NDUFA10: variants seen among roughly 807,000 people sequenced by gnomAD.
The protein encoded by NDUFA10 is NADH dehydrogenase [ubiquinone] 1 alpha subcomplex subunit 10, mitochondrial.
In NDUFA10, 40 loss-of-function variants were observed where a neutral mutation model predicts 47.8. That is an observed-to-expected ratio of 0.84 (90% CI 0.65 to 1.09). The LOEUF (loss-of-function observed/expected upper bound fraction) is 1.09. NDUFA10 is among the 50% of genes least tolerant of loss of function. NDUFA10 has a pLI of 0.00. For missense variants in NDUFA10, 413 were observed against 451.1 expected, an observed-to-expected ratio of 0.92 and a Z score of 0.76; for synonymous variants, 183 against 172.2, an observed-to-expected ratio of 1.06 and a Z score of -0.49.
chr2:239,994,025 G>A (rs1469398271), intron 8 of NDUFA10, among the ~76,000 whole-genome samples: 6 of 152,102 alleles, frequency 3.9e-5, no homozygotes, highest in Admixed American at 3.9e-4. Flanking sequence ...TCGAGCTCTC[G>A]AGTCATGGTC....
chr2:240,022,050 C>G (rs1454129301), intron 2 of NDUFA10, 122 bp downstream of exon 2: 1 of 772,622 alleles, frequency 1.3e-6, no homozygotes, highest in Non-Finnish European at 1.7e-6. Flanking sequence ...GTGAAATACC[C>G]ACCTTAGGCC....
Position 239,961,138 on chromosome 2 carries a change from T to G in NDUFA10, c.1048A>C (p.Lys350Gln), listed in dbSNP as rs374285003. 19 of 1,614,230 alleles carry G rather than the reference T, an allele frequency of 1.2e-5. No homozygotes were observed. The highest frequency in any genetic ancestry group is 1.5e-5 in the Non-Finnish European group (18 of 1,180,050). ...CCCGTTCACTTCAGCCAGATCCACT[T>G]GTCTCCCACCTCGGTGTTGTACCCA... ...SPGYNTEVGDKWIWLK is the reference protein window; with the variant it reads ...SPGYNTEVGDQWIWLK Residue 350 changes from lysine to glutamine, a missense_variant, in exon 10 of 10, where the codon AAG (lysine) becomes CAG (glutamine). Coordinates refer to ENST00000252711, the MANE Select transcript of NDUFA10 (RefSeq NM_004544.4).
rs1265689379 is a variant in NDUFA10, at chr2:239,966,444, GC to G, written c.1000-5259del. Among the ~76,000 whole-genome samples the G allele has an allele frequency of 6.6e-5, 10 of 152,270 alleles. No homozygotes were observed. The East Asian group carries it at 1.5e-3, about 24-fold the overall frequency. ...GCAGCCCAGCCTGCTTGGGGATGTG[GC>G]CCAGCCTGTTTGGGAATGTGGATCT... On this transcript the variant is annotated intron_variant, in intron 9 of 9. Coordinates refer to ENST00000252711, the MANE Select transcript of NDUFA10 (RefSeq NM_004544.4).
intron 4 of NDUFA10, among the ~76,000 whole-genome samples, chr2:239,917,047 C>T (rs534394260): frequency 1.1e-4 from 16 of 152,310 alleles, no homozygotes; most frequent in South Asian, 4.1e-4. Flanking sequence ...CTGTCACAGT[C>T]GCCGGCCAGA....
At chr2:239,913,017 T>C (rs1269793891) in intron 4 of NDUFA10, among the ~76,000 whole-genome samples, 1 of 152,192 alleles carries the variant, frequency 6.6e-6, no homozygotes, top group East Asian at 1.9e-4. Context: ...GCAGGTGACC[T>C]GCCCAAAGCT....
chr2:239,964,509 AGAC>A (rs1694984178), intron 9 of NDUFA10, among the ~76,000 whole-genome samples: 1 of 152,216 alleles, frequency 6.6e-6, no homozygotes, highest in East Asian at 1.9e-4. Context: ...CAGCAGCAGC[AGAC>A]GACTCCTGCC....
Position 239,960,980 on chromosome 2 carries a change from T to C in NDUFA10, c.*138A>G, listed in dbSNP as rs1030153362. The C allele has an allele frequency of 6.5e-6, 10 of 1,541,652 alleles. No homozygotes were observed. In the African/African-American group the frequency reaches 1.4e-4, roughly 21 times the overall value. On this transcript the variant is annotated 3_prime_UTR_variant, in exon 10 of 10. Transcript: ENST00000252711. ...CTATACTACAGGATGGATTGCTTTT[T>C]GTGAGACCCCTTCTTCCACTGTGCA...
Position 239,987,215 on chromosome 2 carries a change from G to A in NDUFA10, c.999+2859C>T, listed in dbSNP as rs544566678. Among the ~76,000 whole-genome samples, 210 of 152,268 alleles carry A rather than the reference G, an allele frequency of 1.4e-3. No individual in the cohort carries two copies. The highest frequency in any genetic ancestry group is 4.8e-3 in the African/African-American group (200 of 41,542). ...CCTGTGGACTGGACAGCAGTAACGCGTGATGCTCATTTCCTGACTCTGACA... is the reference window on the plus strand; with the variant it reads ...CCTGTGGACTGGACAGCAGTAACGCATGATGCTCATTTCCTGACTCTGACA... On this transcript the variant is annotated intron_variant, in intron 9 of 9. Transcript: ENST00000252711. This position sits in a 1 kb window ranked among gnomAD's most constrained non-coding sequence, Gnocchi z 4.8.
downstream of NDUFA10, among the ~76,000 whole-genome samples, chr2:239,953,926 G>T (rs1694605116): frequency 6.6e-6 from 1 of 152,042 alleles, no homozygotes; most frequent in Non-Finnish European, 1.5e-5. Context: ...TGACAGTGGG[G>T]AGTGGGTTCC....
At chr2:239,968,888 G>A (rs1042555562) in intron 9 of NDUFA10, among the ~76,000 whole-genome samples, 6 of 152,200 alleles carry the variant, frequency 3.9e-5, no homozygotes, top group Non-Finnish European at 8.8e-5. Flanking sequence ...GCATTCAACA[G>A]GGACCCCATG....
intron 4 of NDUFA10, among the ~76,000 whole-genome samples, chr2:239,947,112 AG>A: frequency 6.6e-6 from 1 of 152,324 alleles, no homozygotes; most frequent in Non-Finnish European, 1.5e-5. Context: ...GCTGGGATCC[AG>A]GCTGCAGTGC....
chr2:239,970,599 G>T (rs1042101695), intron 9 of NDUFA10, among the ~76,000 whole-genome samples: 1 of 152,248 alleles, frequency 6.6e-6, no homozygotes, highest in Non-Finnish European at 1.5e-5. Context: ...GAAAGTATAT[G>T]AGAATAACAG....
chr2:239,959,548 A>C lies in NDUFA10; in HGVS notation c.*1570T>G. 4 of 985,520 alleles carry C rather than the reference A, an allele frequency of 4.1e-6. No individual in the cohort carries two copies. Among genetic ancestry groups the C allele is most frequent in the Non-Finnish European group, 4.8e-6 (4 of 829,966 alleles). 61.0% of individuals were successfully genotyped at this position (985,520 alleles called of 1,614,324 possible). ...GCTGTTGGTTTCCTAGTGAAATGCAAAACTTCAGCCACTTAAATCTCGACT... is the reference window on the plus strand; with the variant it reads ...GCTGTTGGTTTCCTAGTGAAATGCACAACTTCAGCCACTTAAATCTCGACT... On this transcript the variant is annotated 3_prime_UTR_variant, in exon 10 of 10. Coordinates refer to ENST00000252711, the MANE Select transcript of NDUFA10 (RefSeq NM_004544.4).
intron 4 of NDUFA10, among the ~76,000 whole-genome samples, chr2:239,930,865 GAGGGGGGGC>G (rs1694160093): frequency 3.4e-5 from 3 of 87,266 alleles, no homozygotes; most frequent in African/African-American, 1.6e-4. Flanking sequence ...GCATGCCCAG[GAGGGGGGGC>G]AGGGTCCAGG....
At chr2:239,965,571 G>C (rs568207897) in intron 9 of NDUFA10, among the ~76,000 whole-genome samples, 1 of 152,320 alleles carries the variant, frequency 6.6e-6, no homozygotes, top group South Asian at 2.1e-4. Context: ...CGCTTTCCCG[G>C]ATCTGCTCGT....
intron 4 of NDUFA10, among the ~76,000 whole-genome samples, chr2:239,913,432 C>T (rs977686363): frequency 9.2e-5 from 14 of 152,246 alleles, no homozygotes; most frequent in Admixed American, 5.9e-4. Context: ...CTTGTGGTCA[C>T]GTGGTGAACC....
At chr2:239,944,350 G>A (rs7565839) in intron 4 of NDUFA10, among the ~76,000 whole-genome samples, 73,465 of 152,094 alleles carry the variant, frequency 0.48, 17,894 homozygotes, top group East Asian at 0.66. Context: ...CCCCCATGCT[G>A]AGTGTGGCCC....
intron 8 of NDUFA10, among the ~76,000 whole-genome samples, chr2:240,004,463 A>G (rs1696857290): frequency 6.7e-6 from 1 of 149,324 alleles, no homozygotes; most frequent in Admixed American, 6.6e-5. Flanking sequence ...TCAGAAGAAA[A>G]CCCACCAAAC....
At chr2:239,935,899 T>A (rs905061816) in intron 4 of NDUFA10, among the ~76,000 whole-genome samples, 1 of 152,238 alleles carries the variant, frequency 6.6e-6, no homozygotes, top group African/African-American at 2.4e-5. Flanking sequence ...TACCCGGTCT[T>A]GACCGGGTAT....
Sources: gnomAD v4.1 joint callset for allele counts (sites outside exome capture counted in the v4.1 genomes callset) on GRCh38, gnomAD v4.1.1 for gene constraint, Gnocchi (gnomAD v3.1) non-coding constraint, MANE v1.5 for transcripts, NCBI Gene and HGNC (gene_info 2026-07-23, HGNC 2026-07-21) for gene names.